SYK: variants seen among roughly 807,000 people sequenced by gnomAD.
SYK encodes the protein spleen associated tyrosine kinase, also known as tyrosine-protein kinase SYK.
SYK carries 16 observed loss-of-function variants against 77.8 expected under a neutral mutation model. The ratio of observed to expected loss-of-function variants is 0.21; its 90% CI spans 0.14 to 0.31. The LOEUF is 0.31. Among genes scored for constraint, SYK ranks in the 10% least tolerant of loss-of-function variants. SYK has a pLI of 1.00. For synonymous variants in SYK, 312 were observed against 308.7 expected, an observed-to-expected ratio of 1.01 and a Z score of -0.11; for missense variants, 529 against 814.4, an observed-to-expected ratio of 0.65 and a Z score of 4.26.
chr9:90,839,323 C>T (rs986224390), intron 1 of SYK, among the ~76,000 whole-genome samples: 7 of 152,176 alleles, frequency 4.6e-5, no homozygotes, highest in East Asian at 1.9e-4. Flanking sequence ...AGGTCAACTC[C>T]GGCACAGGAA....
intron 10 of SYK, 70 bp downstream of exon 10, chr9:90,877,850 G>A (rs554893990): frequency 2.8e-5 from 42 of 1,516,212 alleles, no homozygotes; most frequent in African/African-American, 6.9e-5. Flanking sequence ...TGGATGGGCC[G>A]AGCAGCCTGA....
chr9:90,842,474 G>A (rs1429991275), intron 1 of SYK, among the ~76,000 whole-genome samples: 2 of 151,360 alleles, frequency 1.3e-5, no homozygotes, highest in Non-Finnish European at 1.5e-5. Context: ...TGTGTGGTGT[G>A]TATGTAGTTT....
chr9:90,830,953 G>A (rs1825866229), intron 1 of SYK, among the ~76,000 whole-genome samples: 1 of 152,164 alleles, frequency 6.6e-6, no homozygotes, highest in African/African-American at 2.4e-5. Context: ...AATTTTCTCA[G>A]CTTCAAGCTG....
intron 3 of SYK, among the ~76,000 whole-genome samples, chr9:90,852,845 G>T (rs1195960011): frequency 6.6e-6 from 1 of 152,216 alleles, no homozygotes; most frequent in Non-Finnish European, 1.5e-5. Flanking sequence ...TGGCTACTGT[G>T]AGGAATAAGT....
chr9:90,874,565 A>T (rs947980320), intron 8 of SYK, 107 bp from the exon 9 acceptor site: 2 of 1,357,978 alleles, frequency 1.5e-6, no homozygotes, highest in Non-Finnish European at 2.0e-6. Context: ...CCCTTGCAAC[A>T]TTGATGCTAC....
In SYK at chr9:90,834,817, CCTT is replaced by C. The variant is rs1324800266; in HGVS notation, c.-41-9037_-41-9035del. On this transcript the variant is annotated intron_variant, in intron 1 of 13. Transcript: ENST00000375754. ...TATTTTATATGTGGCCCAAGACAAT[CCTT>C]CTTTTATCAGTGTGGCCCAGGGAAG... is the stretch of plus-strand genomic sequence containing the variant. Among the ~76,000 whole-genome samples the C allele has an allele frequency of 2.6e-5, 4 of 152,312 alleles. No homozygotes were observed. The East Asian group carries it at 7.7e-4, about 29-fold the overall frequency.
intron 1 of SYK, among the ~76,000 whole-genome samples, chr9:90,802,653 C>A (rs1826773800): frequency 6.6e-6 from 1 of 151,788 alleles, no homozygotes; most frequent in Non-Finnish European, 1.5e-5. Context: ...GCAATCCATT[C>A]TTTTGTTGGA....
intron 9 of SYK, among the ~76,000 whole-genome samples, chr9:90,875,057 T>C (rs931036172): frequency 6.6e-6 from 1 of 151,990 alleles, no homozygotes. Flanking sequence ...TAATAGTACA[T>C]GCACCTTATG....
chr9:90,804,386 T>G (rs997238044), intron 1 of SYK, among the ~76,000 whole-genome samples: 3 of 152,238 alleles, frequency 2.0e-5, no homozygotes, highest in African/African-American at 7.2e-5. Context: ...AGTCTGTCCA[T>G]GGAAGAAATA....
intron 1 of SYK, among the ~76,000 whole-genome samples, chr9:90,825,392 G>C (rs1219023772): frequency 6.6e-6 from 1 of 152,160 alleles, no homozygotes; most frequent in Non-Finnish European, 1.5e-5. Context: ...ACTTGGGAAG[G>C]TAAAAGATCT....
At position 90,888,504 on chromosome 9, in the gene SYK, G is replaced by T. The variant is rs1242361600; in HGVS notation, c.1723-11G>T. 1.9e-6 allele frequency: 3 copies of T among 1,574,038 alleles called. No individual in the cohort carries two copies. Among genetic ancestry groups the T allele is most frequent in the Non-Finnish European group, 2.6e-6 (3 of 1,164,256 alleles). ...AAAAAAAAAAGCTTATGCATATCTT[G>T]CATGTTGTAGGGGATGAAAGGAAGT... On this transcript the variant is annotated splice_polypyrimidine_tract_variant and intron_variant, in intron 12 of 13. Coordinates refer to ENST00000375754, the MANE Select transcript of SYK (RefSeq NM_003177.7).
At chr9:90,823,149 G>T (rs1337260758) in intron 1 of SYK, among the ~76,000 whole-genome samples, 1 of 152,186 alleles carries the variant, frequency 6.6e-6, no homozygotes, top group African/African-American at 2.4e-5. Context: ...GTCAACAGGG[G>T]TCAGCGCTTC....
chr9:90,824,103 A>C (rs1825599611), intron 1 of SYK, among the ~76,000 whole-genome samples: 1 of 152,196 alleles, frequency 6.6e-6, no homozygotes, highest in Non-Finnish European at 1.5e-5. Flanking sequence ...AAGATGATAA[A>C]GGAAGATCAT....
At chr9:90,847,410 G>A (rs1393945867) in intron 3 of SYK, among the ~76,000 whole-genome samples, 1 of 152,154 alleles carries the variant, frequency 6.6e-6, no homozygotes, top group African/African-American at 2.4e-5. Flanking sequence ...TCTTATTCCT[G>A]GGTTCTTATT....
At chr9:90,885,088 G>A (rs901971279) in intron 11 of SYK, among the ~76,000 whole-genome samples, 2 of 151,244 alleles carry the variant, frequency 1.3e-5, no homozygotes, top group Non-Finnish European at 2.9e-5. Flanking sequence ...CACATGGGCA[G>A]ATATCAATGT....
chr9:90,838,505 A>G (rs1826170427), intron 1 of SYK, among the ~76,000 whole-genome samples: 1 of 152,220 alleles, frequency 6.6e-6, no homozygotes, highest in Non-Finnish European at 1.5e-5. Context: ...GTCACAAAAA[A>G]GGTCTCAAAA....
At chr9:90,825,119 CA>C (rs148061358) in intron 1 of SYK, among the ~76,000 whole-genome samples, 1,807 of 93,298 alleles carry the variant, frequency 0.019, 13 homozygotes, top group Non-Finnish European at 0.024. Flanking sequence ...ACCAAAAAGA[CA>C]AAAAAAAAAA....
rs771060554 is a variant in SYK, at chr9:90,878,988, G to A, written c.1581+35G>A. On this transcript the variant is annotated intron_variant, in intron 11 of 13. Coordinates refer to ENST00000375754, the MANE Select transcript of SYK (RefSeq NM_003177.7). ...ACTTAGCTAATATTCAGAGCAGCAG[G>A]TGGTAAAAAATGCAAGATAAATGTA... The A allele has an allele frequency of 4.0e-6, 6 of 1,482,168 alleles. No homozygotes were observed. In the African/African-American group the frequency reaches 5.6e-5, roughly 14 times the overall value. 91.8% of individuals were successfully genotyped at this position (1,482,168 alleles called of 1,614,324 possible).
At chr9:90,884,217 G>GTGTATATATACACA (rs1564120085) in intron 11 of SYK, among the ~76,000 whole-genome samples, 4 of 43,144 alleles carry the variant, frequency 9.3e-5, no homozygotes, top group African/African-American at 3.7e-4. Flanking sequence ...ATATATACAC[G>GTGTATATATACACA]CATATACACA....
Sources: allele counts gnomAD v4.1 joint callset (sites outside exome capture counted in the v4.1 genomes callset), GRCh38; gene constraint gnomAD v4.1.1; transcripts MANE v1.5; gene names NCBI Gene and HGNC (gene_info 2026-07-23, HGNC 2026-07-21).